The following SEM1 variants were observed in gnomAD, a reference collection of about 807,000 sequenced individuals.
SEM1 encodes the protein SEM1 26S proteasome subunit.
Under a neutral mutation model 12.7 loss-of-function variants are expected in SEM1, and 3 were observed. The observed-to-expected ratio is 0.24, with a 90% CI of 0.11 to 0.61. The LOEUF (loss-of-function observed/expected upper bound fraction) is 0.61, where lower values mean the gene tolerates loss of function less well. SEM1 is among the 20% of genes least tolerant of loss of function. The pLI is 0.88. For synonymous variants in SEM1, 30 were observed against 27.8 expected (o/e 1.08, Z -0.25); for missense variants, 59 against 81.3 (o/e 0.73, Z 1.06).
exon 3 of SEM1, chr7:96,622,592 C>T (rs1311240631): frequency 2.6e-6 from 2 of 764,632 alleles, no homozygotes; most frequent in Non-Finnish European, 4.8e-6. Flanking sequence ...AAGCCTGACT[C>T]CTGAGTATTG....
In SEM1 at chr7:96,522,722, ACC is replaced by A. The variant is rs112781467; in HGVS notation, c.171-16026_171-16025del. ...GAGAAACCCCGTCTCTACTAAAAAT[ACC>A]CCCCCCCCAAAAAAAAATTAGCCGG... On this transcript the variant is annotated intron_variant and NMD_transcript_variant, in intron 2 of 3. Transcript: ENST00000466986. Among the ~76,000 whole-genome samples the A allele has an allele frequency of 5.3e-3, 643 of 120,672 alleles. 3 individuals carry two copies. The highest frequency in any genetic ancestry group is 7.1e-3 in the Non-Finnish European group (402 of 56,326). The allele number at this position is 120,672 out of a possible 152,430, so 79.2% of individuals were successfully genotyped here.
At chr7:96,567,546 G>A (rs544745826) in intron 2 of SEM1, among the ~76,000 whole-genome samples, 2 of 151,256 alleles carry the variant, frequency 1.3e-5, no homozygotes, top group African/African-American at 4.8e-5. Flanking sequence ...GCAATGAGAA[G>A]TAATCATTGT....
chr7:96,649,237 G>A (rs1410533102), intron 2 of SEM1: 1 of 152,086 alleles, frequency 6.6e-6, no homozygotes, highest in Non-Finnish European at 1.5e-5. Flanking sequence ...ATGTACAGAT[G>A]GTTTAATACA....
At position 96,688,836 on chromosome 7, in the gene SEM1, C is replaced by T; in HGVS notation, c.*88G>A. On this transcript the variant is annotated 3_prime_UTR_variant, in exon 3 of 3. Transcript: ENST00000248566. ...ATCCAAGCAGATAATGAAATAAACACATTTTTTTAGTGTCCCATCCTGGGT... is the reference window on the plus strand; with the variant it reads ...ATCCAAGCAGATAATGAAATAAACATATTTTTTTAGTGTCCCATCCTGGGT... 2 of 746,086 alleles carry T rather than the reference C, an allele frequency of 2.7e-6. No homozygotes were observed. Among genetic ancestry groups the T allele is most frequent in the Non-Finnish European group, 4.6e-6 (2 of 431,772 alleles). The allele number at this position is 746,086 out of a possible 1,614,324, so 46.2% of individuals were successfully genotyped here. A position where few individuals can be genotyped will look rare whatever the true frequency, so the allele number is the denominator to read the frequency against.
chr7:96,557,606 G>A (rs979510003), intron 2 of SEM1, among the ~76,000 whole-genome samples: 4 of 97,234 alleles, frequency 4.1e-5, no homozygotes, highest in African/African-American at 1.1e-4. Flanking sequence ...CTGTCAGACA[G>A]GGACATTTAA....
At chr7:96,654,312 G>C (rs1013986114) in intron 2 of SEM1, among the ~76,000 whole-genome samples, 11 of 152,186 alleles carry the variant, frequency 7.2e-5, no homozygotes, top group African/African-American at 2.7e-4. Flanking sequence ...GAGTTGTGAA[G>C]CTTCCCCAAT....
chr7:96,676,746 A>C (rs1175777957), intron 2 of SEM1, among the ~76,000 whole-genome samples: 1 of 152,116 alleles, frequency 6.6e-6, no homozygotes, highest in Non-Finnish European at 1.5e-5. Context: ...TTACATCACA[A>C]ATTTATACAG....
intron 2 of SEM1, among the ~76,000 whole-genome samples, chr7:96,602,801 C>A (rs1211709546): frequency 1.3e-5 from 2 of 152,204 alleles, no homozygotes; most frequent in African/African-American, 2.4e-5. Context: ...TCAACATTTT[C>A]TTCCATTTAA....
chr7:96,487,402 C>T (rs1802818544), intron 1 of SEM1, among the ~76,000 whole-genome samples: 1 of 149,802 alleles, frequency 6.7e-6, no homozygotes, highest in Non-Finnish European at 1.5e-5. Flanking sequence ...GGACTTTTAT[C>T]CAGTAATTTT....
chr7:96,591,311 C>A (rs1351809491), intron 2 of SEM1, among the ~76,000 whole-genome samples: 1 of 152,168 alleles, frequency 6.6e-6, no homozygotes, highest in Non-Finnish European at 1.5e-5. Flanking sequence ...TAATAAAAGA[C>A]TTTCGGTTAA....
At chr7:96,645,621 G>T in intron 2 of SEM1, 1 of 396,346 alleles carries the variant, frequency 2.5e-6, no homozygotes, top group East Asian at 3.6e-5. Context: ...AGCACAGGGA[G>T]TGGGCACACT....
chr7:96,652,909 C>T (rs1809046687), intron 2 of SEM1, among the ~76,000 whole-genome samples: 1 of 152,184 alleles, frequency 6.6e-6, no homozygotes, highest in South Asian at 2.1e-4. Flanking sequence ...CACACTAGCA[C>T]AATCTGTTGG....
downstream of SEM1, among the ~76,000 whole-genome samples, chr7:96,619,143 T>C (rs1020258144): frequency 2.0e-5 from 3 of 152,250 alleles, no homozygotes; most frequent in Admixed American, 1.3e-4. Flanking sequence ...TGTGGTCCTT[T>C]GGTGGCATCA....
At chr7:96,618,251 A>G (rs1479860925), downstream of SEM1, among the ~76,000 whole-genome samples, 1 of 152,162 alleles carries the variant, frequency 6.6e-6, no homozygotes, top group East Asian at 1.9e-4. Context: ...TCCTGCTTCA[A>G]TCTCAGGAGG....
intron 2 of SEM1, among the ~76,000 whole-genome samples, chr7:96,553,733 A>G (rs1805377748): frequency 6.6e-6 from 1 of 152,148 alleles, no homozygotes; most frequent in African/African-American, 2.4e-5. Flanking sequence ...TCTGTGAAGA[A>G]AGTCATTGGT....
rs67892273 is a variant in SEM1 at position 96,706,570 on chromosome 7, C to CAA, written c.76+3116_76+3117dup. Among the ~76,000 whole-genome samples the CAA allele has an allele frequency of 2.4e-3, 184 of 78,070 alleles. 2 individuals carry two copies. Among genetic ancestry groups the CAA allele is most frequent in the African/African-American group, 7.9e-3 (153 of 19,432 alleles). The allele number at this position is 78,070 out of a possible 152,430, so 51.2% of individuals were successfully genotyped here. On this transcript the variant is annotated intron_variant, in intron 1 of 2. Coordinates refer to ENST00000248566, the MANE Select transcript of SEM1 (RefSeq NM_006304.2). ...AGAGTGAAACTCCATCTCAAACAAA[C>CAA]AAAAAAAAAAAAAAAAAAAAAAAAA...
At chr7:96,525,543 A>G (rs1269773571) in intron 2 of SEM1, among the ~76,000 whole-genome samples, 2 of 152,170 alleles carry the variant, frequency 1.3e-5, no homozygotes, top group Admixed American at 6.5e-5. Context: ...ATTTTTAAGA[A>G]GAAGGAGGAT....
intron 2 of SEM1, among the ~76,000 whole-genome samples, chr7:96,523,975 T>G (rs1008760492): frequency 1.3e-5 from 2 of 152,180 alleles, no homozygotes; most frequent in African/African-American, 4.8e-5. Flanking sequence ...CCCTTGGACG[T>G]TCACAATATG....
chr7:96,587,163 A>AT (rs1264413891), intron 2 of SEM1, among the ~76,000 whole-genome samples: 5 of 152,146 alleles, frequency 3.3e-5, no homozygotes, highest in Non-Finnish European at 2.9e-5. Context: ...GATTAAAGAG[A>AT]TTTTTTTAAA....
Sources: gnomAD v4.1 joint callset for allele counts (sites outside exome capture counted in the v4.1 genomes callset) on GRCh38, gnomAD v4.1.1 for gene constraint, MANE v1.5 for transcripts, NCBI Gene and HGNC (gene_info 2026-07-23, HGNC 2026-07-21) for gene names.